PVT1: variants seen among roughly 807,000 people sequenced by gnomAD.
PVT1 encodes the protein CXCR4/PVT1 fusion.
chr8:127,949,285 A>G (rs1285148656), intron 3 of PVT1, among the ~76,000 whole-genome samples: 1 of 151,810 alleles, frequency 6.6e-6, no homozygotes, highest in Admixed American at 6.6e-5. Context: ...CCCACCCAGT[A>G]GTGCCTGGCC....
chr8:127,932,542 G>A (rs1816220116), intron 3 of PVT1: 1 of 398,570 alleles, frequency 2.5e-6, no homozygotes, highest in East Asian at 3.6e-5. Flanking sequence ...TCCCCACGCT[G>A]TGGCTGAGTC....
At position 127,921,854 on chromosome 8, in the gene PVT1, GTTTTTTTTT is replaced by G. The variant is rs71300279; in HGVS notation, n.782+30872_782+30880del. Reference sequence around the variant, plus strand: ...AAAAAAATTATAATTTTTGGTTCATGTTTTTTTTTTTTTTTTTTTTTTTTGAGGCAGAGT... The same window carrying G: ...AAAAAAATTATAATTTTTGGTTCATGTTTTTTTTTTTTTTTGAGGCAGAGT... On this transcript the variant is annotated intron_variant and non_coding_transcript_variant, in intron 3 of 10. Coordinates refer to ENST00000651587, the Ensembl canonical transcript of PVT1. Among the ~76,000 whole-genome samples the G allele has an allele frequency of 5.6e-5, 4 of 71,924 alleles. No individual in the cohort carries two copies. The Admixed American group carries it at 9.7e-4, about 17-fold the overall frequency. The allele number at this position is 71,924 out of a possible 152,430, so 47.2% of individuals were successfully genotyped here.
intron 4 of PVT1, among the ~76,000 whole-genome samples, chr8:128,055,754 C>T (rs1410980526): frequency 5.3e-5 from 8 of 152,164 alleles, no homozygotes; most frequent in African/African-American, 1.9e-4. Context: ...TGGCTGGTGG[C>T]ATCTGTCTTG....
chr8:127,813,746 A>T (rs1814627107), intron 2 of PVT1, among the ~76,000 whole-genome samples: 1 of 152,158 alleles, frequency 6.6e-6, no homozygotes, highest in African/African-American at 2.4e-5. Flanking sequence ...TGGCTCCTTC[A>T]ACAAAAACAT....
intron 4 of PVT1, among the ~76,000 whole-genome samples, chr8:128,004,931 G>A (rs887747241): frequency 7.2e-5 from 11 of 152,008 alleles, no homozygotes; most frequent in African/African-American, 1.9e-4. Flanking sequence ...ACTTGAGGTT[G>A]GGAGTTCAAG....
chr8:128,043,773 TACACACACACACACAC>T (rs112991135), intron 4 of PVT1, among the ~76,000 whole-genome samples: 1 of 140,742 alleles, frequency 7.1e-6, no homozygotes, highest in Non-Finnish European at 1.5e-5. Context: ...AACTATTTCC[TACACACACACACACAC>T]ACACACACAC....
At chr8:127,965,316 G>A (rs1194396214) in intron 3 of PVT1, among the ~76,000 whole-genome samples, 1 of 152,168 alleles carries the variant, frequency 6.6e-6, no homozygotes, top group African/African-American at 2.4e-5. Context: ...TGCCCCCTAA[G>A]TGGGTATAAT....
At chr8:127,902,186 C>T (rs1815767020) in intron 3 of PVT1, among the ~76,000 whole-genome samples, 1 of 152,064 alleles carries the variant, frequency 6.6e-6, no homozygotes, top group South Asian at 2.1e-4. Flanking sequence ...AGAGACTTTC[C>T]TGGTTTTGGC....
In PVT1 at chr8:128,037,488, C is replaced by G. The variant is rs181696058; in HGVS notation, n.913-32672C>G. Among the ~76,000 whole-genome samples, 5 of 152,288 alleles carry G rather than the reference C, an allele frequency of 3.3e-5. No homozygotes were observed. In the East Asian group the frequency reaches 7.7e-4, roughly 23 times the overall value. On this transcript the variant is annotated intron_variant and non_coding_transcript_variant, in intron 4 of 10. Transcript: ENST00000651587. The stretch of plus-strand genomic sequence containing the variant: ...TTTGTTTGCATTCCTGAGGCCGTGT[C>G]GGCAACAGGCTTGGAAAGGGAAGTG...
chr8:127,827,105 C>G (rs1814799400), intron 2 of PVT1, among the ~76,000 whole-genome samples: 1 of 145,210 alleles, frequency 6.9e-6, no homozygotes, highest in Non-Finnish European at 1.5e-5. Context: ...GAGCGATTCT[C>G]CTGCCTCAGT....
intron 2 of PVT1, among the ~76,000 whole-genome samples, chr8:127,797,507 A>G (rs1316539318): frequency 6.6e-6 from 1 of 152,150 alleles, no homozygotes; most frequent in Non-Finnish European, 1.5e-5. Flanking sequence ...TCACTTCAAT[A>G]TCATCCCTAG....
At position 127,907,440 on chromosome 8, in the gene PVT1, G is replaced by C. The variant is rs141281680; in HGVS notation, n.782+16442G>C. On this transcript the variant is annotated intron_variant and non_coding_transcript_variant, in intron 3 of 10. Transcript: ENST00000651587. ...TTTATGCCTGATGGAACTGACACGG[G>C]CCTGCTATGTTTACAGTGCCTGTTC... 3.0e-3 allele frequency among the ~76,000 whole-genome samples: 464 copies of C among 152,330 alleles called. 4 individuals are homozygous for C. The highest frequency in any genetic ancestry group is 0.01 in the African/African-American group (422 of 41,576).
In PVT1 at chr8:127,799,448, A is replaced by G. The variant is rs371381572; in HGVS notation, n.372+3377A>G. The stretch of plus-strand genomic sequence containing the variant: ...ATAAAGAAAGAACTGCTTTGTCTTC[A>G]AGGAAACAAGATACACAGTCAACAG... On this transcript the variant is annotated intron_variant and non_coding_transcript_variant, in intron 2 of 10. Transcript: ENST00000651587. 2.6e-5 allele frequency among the ~76,000 whole-genome samples: 4 copies of G among 152,362 alleles called. 1 individual carries two copies. Among genetic ancestry groups the G allele is most frequent in the African/African-American group, 2.4e-5 (1 of 41,586 alleles).
chr8:127,943,405 A>G (rs1487155377), intron 3 of PVT1, among the ~76,000 whole-genome samples: 1 of 152,244 alleles, frequency 6.6e-6, no homozygotes, highest in Non-Finnish European at 1.5e-5. Context: ...TGATTAATAA[A>G]GAAGCTCTCT....
At position 127,848,460 on chromosome 8, in the gene PVT1, G is replaced by A. The variant is rs868836574; in HGVS notation, n.373-42129G>A. ...GCACTTTGGGAGGCTGAGGTGGGCG[G>A]ATCACCTGAGGTCGGGAGTTCAAGA... On this transcript the variant is annotated intron_variant and non_coding_transcript_variant, in intron 2 of 10. Transcript: ENST00000651587. 6.6e-5 allele frequency among the ~76,000 whole-genome samples: 10 copies of A among 152,232 alleles called. No individual in the cohort carries two copies. The South Asian group carries it at 1.2e-3, about 19-fold the overall frequency.
intron 2 of PVT1, among the ~76,000 whole-genome samples, chr8:127,872,343 G>A (rs1343687456): frequency 6.6e-6 from 1 of 152,110 alleles, no homozygotes; most frequent in South Asian, 2.1e-4. Flanking sequence ...AACCCAGGAG[G>A]TGGAGATTGC....
intron 5 of PVT1, among the ~76,000 whole-genome samples, chr8:128,087,046 G>A (rs1230139348): frequency 1.3e-5 from 2 of 152,202 alleles, no homozygotes; most frequent in Non-Finnish European, 2.9e-5. Flanking sequence ...CACGATCAGT[G>A]CCCAATATTG....
chr8:127,937,081 C>T (rs1816285189), intron 3 of PVT1, among the ~76,000 whole-genome samples: 1 of 152,242 alleles, frequency 6.6e-6, no homozygotes, highest in South Asian at 2.1e-4. Flanking sequence ...TTGCAGCCCG[C>T]ATCATCCACT....
intron 4 of PVT1, among the ~76,000 whole-genome samples, chr8:127,994,569 G>A (rs868393564): frequency 3.3e-5 from 5 of 152,170 alleles, no homozygotes; most frequent in East Asian, 1.9e-4. Context: ...AGATAGATGC[G>A]TATCCATGTC....
Sources: allele counts gnomAD v4.1 joint callset (sites outside exome capture counted in the v4.1 genomes callset), GRCh38; gene constraint gnomAD v4.1.1; transcripts MANE v1.5; gene names NCBI Gene and HGNC (gene_info 2026-07-23, HGNC 2026-07-21).